The following PROX1 variants were observed in gnomAD, a reference collection of about 807,000 sequenced individuals.
PROX1 encodes prospero homeobox 1.
Under a neutral mutation model 58.8 loss-of-function variants are expected in PROX1, and 7 were observed. The ratio of observed to expected loss-of-function variants is 0.12; its 90% CI spans 0.07 to 0.22. The LOEUF (loss-of-function observed/expected upper bound fraction) is 0.22. Among genes scored for constraint, PROX1 ranks in the 10% least tolerant of loss-of-function variants. The pLI, the probability that PROX1 is intolerant of heterozygous loss-of-function variation, is 1.00. For missense variants in PROX1, 675 were observed against 927.8 expected (o/e 0.73, Z 3.54); for synonymous variants, 350 against 358.3 (o/e 0.98, Z 0.26).
At chr1:214,018,578 T>G (rs914399801) in intron 4 of PROX1, among the ~76,000 whole-genome samples, 1 of 152,234 alleles carries the variant, frequency 6.6e-6, no homozygotes, top group Non-Finnish European at 1.5e-5. Flanking sequence ...ATTATACTAC[T>G]GTTCCTGTTA....
intron 3 of PROX1, among the ~76,000 whole-genome samples, chr1:214,009,453 A>G (rs1477724914): frequency 6.6e-6 from 1 of 152,228 alleles, no homozygotes; most frequent in Non-Finnish European, 1.5e-5. Flanking sequence ...GTGAATATCT[A>G]GAAAAGCGGG....
At chr1:213,994,665 T>C (rs2102688152) in intron 1 of PROX1, among the ~76,000 whole-genome samples, 1 of 150,296 alleles carries the variant, frequency 6.7e-6, no homozygotes, top group Admixed American at 6.6e-5. Flanking sequence ...CCCAATGTTG[T>C]AGTTCTTGAG....
chr1:214,029,772 T>C (rs1331725496), intron 4 of PROX1: 1 of 152,062 alleles, frequency 6.6e-6, no homozygotes, highest in Non-Finnish European at 1.5e-5. Context: ...TGGGGCTAGA[T>C]CGAGGGGTTT....
At chr1:214,021,114 C>T (rs1293503736) in intron 4 of PROX1, among the ~76,000 whole-genome samples, 1 of 152,190 alleles carries the variant, frequency 6.6e-6, no homozygotes, top group Non-Finnish European at 1.5e-5. Context: ...GAGGCTGGTA[C>T]CTGTCATTGA....
At chr1:214,020,799 G>A (rs1272497939) in intron 4 of PROX1, among the ~76,000 whole-genome samples, 2 of 152,158 alleles carry the variant, frequency 1.3e-5, no homozygotes, top group African/African-American at 4.8e-5. Flanking sequence ...TTAGTTTTCA[G>A]GTGTAGTTAA....
intron 4 of PROX1, among the ~76,000 whole-genome samples, chr1:214,033,312 A>G (rs1664723139): frequency 6.6e-6 from 1 of 152,156 alleles, no homozygotes; most frequent in Admixed American, 6.5e-5. Context: ...AAATGCCTAT[A>G]ATTGGCCAGG....
intron 2 of PROX1, 90 bp downstream of exon 2, chr1:213,998,350 T>C (rs1663365104): frequency 7.2e-7 from 1 of 1,390,330 alleles, no homozygotes; most frequent in East Asian, 2.3e-5. Context: ...GTAATGTAGA[T>C]TAGTATCTTC....
chr1:214,003,677 C>A (rs1663605348), intron 2 of PROX1, among the ~76,000 whole-genome samples: 2 of 152,192 alleles, frequency 1.3e-5, no homozygotes, highest in South Asian at 4.1e-4. Flanking sequence ...CTTAACTTTT[C>A]TATTTACAGA....
intron 1 of PROX1, among the ~76,000 whole-genome samples, chr1:213,994,741 A>C (rs1663178983): frequency 7.9e-6 from 1 of 126,636 alleles, no homozygotes; most frequent in African/African-American, 3.0e-5. Context: ...TTTCATTCTC[A>C]AGCATGCAAA....
intron 4 of PROX1, among the ~76,000 whole-genome samples, chr1:214,025,106 T>G (rs975999901): frequency 6.6e-6 from 1 of 152,216 alleles, no homozygotes; most frequent in African/African-American, 2.4e-5. Flanking sequence ...CATTTAAATA[T>G]GTACTGGCAG....
intron 3 of PROX1, among the ~76,000 whole-genome samples, chr1:214,008,973 T>C (rs931831236): frequency 6.6e-6 from 1 of 152,208 alleles, no homozygotes; most frequent in African/African-American, 2.4e-5. Flanking sequence ...CAGCTCCCTG[T>C]TCACTACTGG....
intron 4 of PROX1, 82 bp from the exon 5 acceptor site, chr1:214,035,564 AATG>A: frequency 7.2e-7 from 1 of 1,388,378 alleles, no homozygotes; most frequent in Non-Finnish European, 9.7e-7. Context: ...TTTCTGCAAG[AATG>A]ATCTTAGCTC....
intron 4 of PROX1, among the ~76,000 whole-genome samples, chr1:214,018,531 A>C (rs1054128820): frequency 6.6e-6 from 1 of 152,130 alleles, no homozygotes; most frequent in Admixed American, 6.5e-5. Context: ...GAGCTATTTG[A>C]GAAGGGTAGG....
At chr1:214,012,372 TTA>T (rs1460536123) in intron 4 of PROX1, among the ~76,000 whole-genome samples, 1 of 152,202 alleles carries the variant, frequency 6.6e-6, no homozygotes, top group Non-Finnish European at 1.5e-5. Context: ...TCATACACAC[TTA>T]TATATATCTG....
chr1:214,010,058 A>G (rs1422465007), intron 3 of PROX1, among the ~76,000 whole-genome samples: 1 of 152,146 alleles, frequency 6.6e-6, no homozygotes, highest in Non-Finnish European at 1.5e-5. Flanking sequence ...AAGATCAGAT[A>G]ATGGGGGTCC....
At chr1:214,018,675 A>G (rs1191399110) in intron 4 of PROX1, among the ~76,000 whole-genome samples, 1 of 152,224 alleles carries the variant, frequency 6.6e-6, no homozygotes, top group Non-Finnish European at 1.5e-5. Flanking sequence ...TAAAATAACT[A>G]CATTGTAGTG....
chr1:213,985,840 C>A (rs180763853), upstream of PROX1: 390 of 152,500 alleles, frequency 2.6e-3, 6 homozygotes, highest in Non-Finnish European at 2.5e-3. Context: ...CCTACTCCCC[C>A]CTCCTCCTTC....
rs534829864 is a variant in PROX1, at chr1:214,032,274, C to G, written c.2029-3375C>G. Among the ~76,000 whole-genome samples the G allele has an allele frequency of 2.6e-5, 4 of 152,118 alleles. No individual in the cohort carries two copies. In the East Asian group the frequency reaches 7.7e-4, roughly 29 times the overall value. On this transcript the variant is annotated intron_variant, in intron 4 of 4. Coordinates refer to ENST00000366958, the MANE Select transcript of PROX1 (RefSeq NM_001270616.2). ...AAGACACCTTACCTCACAGTAATCT[C>G]TTCATCTCATCATTTCTTCATCTCA...
intron 4 of PROX1, among the ~76,000 whole-genome samples, chr1:214,026,027 C>T (rs1010153529): frequency 6.6e-6 from 1 of 152,258 alleles, no homozygotes; most frequent in Admixed American, 6.5e-5. Context: ...ACCAGATGAG[C>T]AATTTCTGCA....
Sources: allele counts gnomAD v4.1 joint callset (sites outside exome capture counted in the v4.1 genomes callset), GRCh38; gene constraint gnomAD v4.1.1; transcripts MANE v1.5; gene names NCBI Gene and HGNC (gene_info 2026-07-23, HGNC 2026-07-21).